Variants in USP28 observed in about 807,000 individuals in gnomAD.
The protein encoded by USP28 is ubiquitin carboxyl-terminal hydrolase 28.
A neutral mutation model predicts 145.0 loss-of-function variants in USP28; 113 were observed. That is an observed-to-expected ratio of 0.78 (90% confidence interval 0.67 to 0.91). USP28 has a LOEUF of 0.91. Among genes scored for constraint, USP28 ranks in the 40% least tolerant of loss-of-function variants. The pLI, the probability that USP28 is intolerant of heterozygous loss-of-function variation, is 0.00. For synonymous variants in USP28, 447 were observed against 450.9 expected (o/e 0.99, Z 0.11); for missense variants, 1,201 against 1,289.6 (o/e 0.93, Z 1.05).
chr11:113,867,768 G>A (rs1397561580), intron 1 of USP28, among the ~76,000 whole-genome samples: 1 of 123,922 alleles, frequency 8.1e-6, no homozygotes, highest in African/African-American at 3.0e-5. Flanking sequence ...AAGGAAACCT[G>A]TATACACATC....
At chr11:113,829,657 T>A (rs1943761326) in intron 9 of USP28, among the ~76,000 whole-genome samples, 1 of 151,858 alleles carries the variant, frequency 6.6e-6, no homozygotes, top group Non-Finnish European at 1.5e-5. Flanking sequence ...GACACCCCTG[T>A]CTCTACAAAA....
chr11:113,801,387 T>G (rs527868617), intron 24 of USP28, 96 bp downstream of exon 25: 2 of 955,956 alleles, frequency 2.1e-6, no homozygotes, highest in East Asian at 4.9e-5. Context: ...AGGTTCCAAT[T>G]CCTTAAAAAG....
At chr11:113,812,581 T>C (rs1565351079) in intron 15 of USP28, 77 bp from the exon 16 acceptor site, 4 of 1,271,370 alleles carry the variant, frequency 3.1e-6, no homozygotes, top group Admixed American at 4.0e-5. Flanking sequence ...AAGAAATTAC[T>C]GTTTATGATG....
At chr11:113,809,868 C>G (rs1940669843) in intron 16 of USP28, among the ~76,000 whole-genome samples, 1 of 151,912 alleles carries the variant, frequency 6.6e-6, no homozygotes, top group Non-Finnish European at 1.5e-5. Context: ...CCTGTCTCTA[C>G]TAAAAAAAAT....
intron 1 of USP28, among the ~76,000 whole-genome samples, chr11:113,870,923 G>A (rs1318236514): frequency 6.6e-6 from 1 of 151,614 alleles, no homozygotes; most frequent in Admixed American, 6.6e-5. Flanking sequence ...GCTGGACTGG[G>A]CAATAGACAC....
At chr11:113,836,771 C>A (rs963044762) in intron 5 of USP28, among the ~76,000 whole-genome samples, 1 of 152,154 alleles carries the variant, frequency 6.6e-6, no homozygotes, top group Non-Finnish European at 1.5e-5. Flanking sequence ...CAGAGGGAGA[C>A]TCTTAATACT....
At chr11:113,815,086 G>A (rs2135479649) in intron 14 of USP28, 88 bp downstream of exon 14, 1 of 1,143,678 alleles carries the variant, frequency 8.7e-7, no homozygotes, top group Middle Eastern at 2.6e-4. Context: ...GTACAGTAAT[G>A]TCAGGAAGTG....
chr11:113,847,595 A>C (rs997944484), intron 3 of USP28, among the ~76,000 whole-genome samples: 1 of 152,206 alleles, frequency 6.6e-6, no homozygotes, highest in African/African-American at 2.4e-5. Context: ...AAATTTCTAC[A>C]TGGGGTATTT....
At chr11:113,861,061 G>A (rs1947628080) in intron 1 of USP28, among the ~76,000 whole-genome samples, 1 of 151,558 alleles carries the variant, frequency 6.6e-6, no homozygotes, top group Non-Finnish European at 1.5e-5. Context: ...GGAGGTTGCA[G>A]TGAGCCAAGA....
In USP28 at chr11:113,815,055, G is replaced by A. The variant is rs557872961; in HGVS notation, c.1672+119C>T. On this transcript the variant is annotated intron_variant, in intron 14 of 24. Transcript: ENST00000003302. ...TGATAGAGTGAGACTCCATCTCGGC[G>A]GGGGGGAAATTCTGTAGCATGTACA... 98 of 876,286 alleles carry A rather than the reference G, an allele frequency of 1.1e-4. 1 individual carries two copies. In the South Asian group the frequency reaches 1.5e-3, roughly 14 times the overall value. The allele number at this position is 876,286 out of a possible 1,614,324, so 54.3% of individuals were successfully genotyped here. A position where few individuals can be genotyped will look rare whatever the true frequency, so the allele number is the denominator to read the frequency against.
At chr11:113,875,025 T>A in intron 1 of USP28, 1 of 681,890 alleles carries the variant, frequency 1.5e-6, no homozygotes, top group Non-Finnish European at 1.8e-6. Flanking sequence ...ATAACTTCGG[T>A]CTGCTTTAAC....
At chr11:113,803,200 G>A in exon 23 of USP28, 1 of 1,614,106 alleles carries the variant, frequency 6.2e-7, no homozygotes, top group Non-Finnish European at 8.5e-7. Context: ...CGGATTCTTT[G>A]ACCCCCCGGC....
At chr11:113,817,761 T>C in exon 13 of USP28, 1 of 1,614,236 alleles carries the variant, frequency 6.2e-7, no homozygotes, top group Non-Finnish European at 8.5e-7. Context: ...GCAGGTTTTG[T>C]ACTAGCAAAT....
At chr11:113,855,682 C>T (rs1286989620) in intron 1 of USP28, among the ~76,000 whole-genome samples, 1 of 152,074 alleles carries the variant, frequency 6.6e-6, no homozygotes, top group Non-Finnish European at 1.5e-5. Context: ...TTTGGGAGGC[C>T]AGGGTGGGCA....
chr11:113,821,507 T>A, intron 12 of USP28: 1 of 209,684 alleles, frequency 4.8e-6, no homozygotes. Context: ...CGGGTGGCTG[T>A]TAATCTTTAG....
rs961761843 is a variant in USP28 at position 113,815,420 on chromosome 11, C to T, written c.1464-38G>A. ...AAAATCATGCTCATATGATAATTTC[C>T]AAAAGATACCTTGGCCTAAATTATG... On this transcript the variant is annotated intron_variant, in intron 13 of 24. Coordinates refer to ENST00000003302, the Ensembl canonical transcript of USP28. 4 of 1,584,754 alleles carry T rather than the reference C, an allele frequency of 2.5e-6. No individual in the cohort carries two copies. In the African/African-American group the frequency reaches 5.4e-5, roughly 21 times the overall value.
At chr11:113,808,118 T>C in intron 18 of USP28, 1 of 1,502,230 alleles carries the variant, frequency 6.7e-7, no homozygotes, top group Non-Finnish European at 8.8e-7. Flanking sequence ...ATGGGCTTCT[T>C]GGGTTCAGCT....
chr11:113,820,313 T>C (rs1942404039), intron 12 of USP28: 1 of 152,078 alleles, frequency 6.6e-6, no homozygotes, highest in African/African-American at 2.4e-5. Context: ...CCTCTGGCAG[T>C]CAAGTAGGAA....
intron 16 of USP28, among the ~76,000 whole-genome samples, chr11:113,811,420 C>T (rs956744460): frequency 6.6e-6 from 1 of 151,982 alleles, no homozygotes; most frequent in African/African-American, 2.4e-5. Context: ...TTATTCTGGG[C>T]CCCACAACTG....
Sources: gnomAD v4.1 joint callset for allele counts (sites outside exome capture counted in the v4.1 genomes callset) on GRCh38, gnomAD v4.1.1 for gene constraint, MANE v1.5 for transcripts, NCBI Gene and HGNC (gene_info 2026-07-23, HGNC 2026-07-21) for gene names.